The following GON4L variants were observed in gnomAD, a reference collection of about 807,000 sequenced individuals.
GON4L encodes gon-4 like.
In GON4L, 87 loss-of-function variants were observed where a neutral mutation model predicts 211.8. The observed-to-expected ratio is 0.41, with a 90% confidence interval of 0.35 to 0.49. The LOEUF is 0.49. Ranked by LOEUF, GON4L falls within the 20% of genes least tolerant of loss-of-function variation. The pLI, the probability that GON4L is intolerant of heterozygous loss-of-function variation, is 0.15. For missense variants in GON4L, 2,155 were observed against 2,659.5 expected (o/e 0.81, Z 4.17); for synonymous variants, 875 against 962.6 (o/e 0.91, Z 1.68).
intron 2 of GON4L, among the ~76,000 whole-genome samples, chr1:155,852,738 G>C (rs13376235): frequency 6.6e-6 from 1 of 151,990 alleles, no homozygotes; most frequent in East Asian, 1.9e-4. Context: ...GCGAGACTCC[G>C]TCTCAAAAAA....
At chr1:155,839,207 T>A (rs1370722567) in intron 2 of GON4L, among the ~76,000 whole-genome samples, 1 of 151,956 alleles carries the variant, frequency 6.6e-6, no homozygotes, top group Admixed American at 6.6e-5. Context: ...AAGAAAGTTA[T>A]GGATGTTCAG....
intron 2 of GON4L, among the ~76,000 whole-genome samples, chr1:155,847,142 C>T (rs535202025): frequency 6.6e-6 from 1 of 152,294 alleles, no homozygotes. Context: ...AGTTGAACAC[C>T]GTGAGTTCGA....
upstream of GON4L, among the ~76,000 whole-genome samples, chr1:155,857,850 C>A (rs956852586): frequency 2.0e-5 from 3 of 152,082 alleles, no homozygotes; most frequent in African/African-American, 7.2e-5. Context: ...ATAGTGCAGG[C>A]TCCTGATTAA....
At chr1:155,802,953 C>G (rs1666811310) in intron 11 of GON4L, among the ~76,000 whole-genome samples, 1 of 152,172 alleles carries the variant, frequency 6.6e-6, no homozygotes, top group South Asian at 2.1e-4. Context: ...GAGACCCTGT[C>G]TCACACACAC....
At chr1:155,785,879 A>G (rs822023) in intron 12 of GON4L, among the ~76,000 whole-genome samples, 142,457 of 152,216 alleles carry the variant, frequency 0.94, 67,431 homozygotes, top group East Asian at 1. Context: ...GATGGATCAC[A>G]AAGTCAGGAG....
chr1:155,789,611 A>T (rs1014763559), intron 12 of GON4L, among the ~76,000 whole-genome samples: 3 of 147,264 alleles, frequency 2.0e-5, no homozygotes, highest in African/African-American at 7.4e-5. Context: ...GTCTGAATTT[A>T]AAAAAAAAAA....
chr1:155,783,328 G>C (rs1215305868), intron 14 of GON4L, among the ~76,000 whole-genome samples: 1 of 152,070 alleles, frequency 6.6e-6, no homozygotes, highest in Non-Finnish European at 1.5e-5. Context: ...CGAATTACAG[G>C]GACTATTCTC....
At chr1:155,795,007 G>T in intron 12 of GON4L, 43 bp downstream of exon 12, 1 of 1,083,044 alleles carries the variant, frequency 9.2e-7, no homozygotes, top group Non-Finnish European at 1.4e-6. Flanking sequence ...AAAGACAGCT[G>T]CAAAGCAGTC....
intron 2 of GON4L, among the ~76,000 whole-genome samples, chr1:155,836,515 T>G (rs1670335116): frequency 6.6e-6 from 1 of 152,220 alleles, no homozygotes; most frequent in African/African-American, 2.4e-5. Context: ...CCCAGACTGC[T>G]GGGATTATAG....
rs1357560557 is a variant in GON4L, at chr1:155,802,330, T to A, written c.1645+2619A>T. Among the ~76,000 whole-genome samples the A allele has an allele frequency of 3.3e-5, 5 of 151,482 alleles. No individual in the cohort carries two copies. In the East Asian group the frequency reaches 9.7e-4, roughly 29 times the overall value. ...TTTTCCTTGGGGGGGGGGAAGGCTT[T>A]AATTGTTTTATTTCTGTAATATTTG... On this transcript the variant is annotated intron_variant, in intron 11 of 31. Transcript: ENST00000368331.
intron 11 of GON4L, among the ~76,000 whole-genome samples, chr1:155,804,596 C>T (rs967458601): frequency 6.6e-6 from 1 of 151,882 alleles, no homozygotes; most frequent in Non-Finnish European, 1.5e-5. Flanking sequence ...ACAGCCTGGG[C>T]AACATAGTGA....
intron 17 of GON4L, among the ~76,000 whole-genome samples, chr1:155,774,025 T>G (rs1663495992): frequency 6.6e-6 from 1 of 152,196 alleles, no homozygotes; most frequent in Admixed American, 6.6e-5. Context: ...CTCAGGGATT[T>G]AAAATAGAAT....
At chr1:155,760,812 T>C (rs1328229820) in intron 23 of GON4L, among the ~76,000 whole-genome samples, 171 bp from the exon 24 acceptor site, 3 of 152,182 alleles carry the variant, frequency 2.0e-5, no homozygotes, top group East Asian at 1.9e-4. Context: ...CACAGAGCAA[T>C]AGGCAAGGTA....
chr1:155,858,617 T>C (rs903547045), upstream of GON4L, among the ~76,000 whole-genome samples: 23 of 149,844 alleles, frequency 1.5e-4, no homozygotes, highest in Admixed American at 6.7e-5. Context: ...CTGATTAACT[T>C]TGGCACTTTT....
chr1:155,846,796 G>C (rs1293123215), intron 2 of GON4L, among the ~76,000 whole-genome samples: 1 of 151,858 alleles, frequency 6.6e-6, no homozygotes, highest in Non-Finnish European at 1.5e-5. Flanking sequence ...TGGATGACTT[G>C]AGGTCAGGAG....
chr1:155,757,328 G>C lies in GON4L; in HGVS notation c.5254-5C>G, dbSNP rs1553196024. 6.2e-7 allele frequency: 1 copy of C among 1,613,028 alleles called. No individual in the cohort carries two copies. Among genetic ancestry groups the C allele is most frequent in the East Asian group, 2.2e-5 (1 of 44,874 alleles). ...CTGCCACATCTGTGTCTTGAGCTGAGGAGAGTCACAGAGGGAAAGAGGAAG... is the reference window on the plus strand; with the variant it reads ...CTGCCACATCTGTGTCTTGAGCTGACGAGAGTCACAGAGGGAAAGAGGAAG... On this transcript the variant is annotated splice_polypyrimidine_tract_variant and splice_region_variant and intron_variant, in intron 25 of 31. Coordinates refer to ENST00000368331, the MANE Select transcript of GON4L (RefSeq NM_001282860.2).
Position 155,822,351 on chromosome 1 carries a change from G to T in GON4L, c.823C>A (p.Arg275Ser), listed in dbSNP as rs368588136. 3.1e-6 allele frequency: 5 copies of T among 1,613,836 alleles called. No individual in the cohort carries two copies. The highest frequency in any genetic ancestry group is 2.2e-5 in the South Asian group (2 of 91,078). Residue 275 changes from arginine (R) to serine (S), a missense_variant, in exon 4 of 32, where the codon CGT (arginine) becomes AGT (serine). Transcript: ENST00000368331. ...TGCTTGGCACCATCCTCCAAGGTAC[G>T]GTCAAGCATGTCATCCAGTTTCAGG... ...YDLKLDDMLD[R>S]TLEDGAKQHN...
chr1:155,763,186 A>G, intron 22 of GON4L, 126 bp downstream of exon 22: 1 of 790,542 alleles, frequency 1.3e-6, no homozygotes. Flanking sequence ...GGTGTTGCAG[A>G]AGAGATCCAG....
intron 28 of GON4L, 24 bp downstream of exon 28, chr1:155,754,351 C>T (rs373837206): frequency 4.9e-5 from 68 of 1,395,538 alleles, no homozygotes; most frequent in Middle Eastern, 3.5e-4. Context: ...CTGATACCCT[C>T]GGGACCCTTG....
Sources: allele counts gnomAD v4.1 joint callset (sites outside exome capture counted in the v4.1 genomes callset), GRCh38; gene constraint gnomAD v4.1.1; transcripts MANE v1.5; gene names NCBI Gene and HGNC (gene_info 2026-07-23, HGNC 2026-07-21).